SERPINB13: variants seen among roughly 807,000 people sequenced by gnomAD.
The protein encoded by SERPINB13 is serpin family B member 13.
In SERPINB13, 26 loss-of-function variants were observed where a neutral mutation model predicts 31.2. That is an observed-to-expected ratio of 0.83 (90% CI 0.61 to 1.15). SERPINB13 has a LOEUF of 1.15. Ranked by LOEUF, SERPINB13 falls within the 50% of genes most tolerant of loss-of-function variation. SERPINB13 has a pLI of 0.00. For synonymous variants in SERPINB13, 191 were observed against 172.4 expected (o/e 1.11, Z -0.85); for missense variants, 510 against 469.4 (o/e 1.09, Z -0.80).
At position 63,597,532 on chromosome 18, in the gene SERPINB13, T is replaced by C. The variant is rs1188227734; in HGVS notation, c.*169T>C. 8.6e-6 allele frequency: 6 copies of C among 694,136 alleles called. No individual in the cohort carries two copies. Among genetic ancestry groups the C allele is most frequent in the Non-Finnish European group, 1.4e-5 (6 of 429,868 alleles). The allele number at this position is 694,136 out of a possible 1,614,324, so 43.0% of individuals were successfully genotyped here. ...CCAATAATGTGTGTGTTTATAACCATCCTCGAAAGTGAAATGTCCTTTTCT... is the reference window on the plus strand; with the variant it reads ...CCAATAATGTGTGTGTTTATAACCACCCTCGAAAGTGAAATGTCCTTTTCT... On this transcript the variant is annotated 3_prime_UTR_variant, in exon 8 of 8. Transcript: ENST00000344731.
intron 1 of SERPINB13, 139 bp downstream of exon 1, chr18:63,587,589 C>T (rs1911587649): frequency 2.6e-6 from 1 of 378,456 alleles, no homozygotes; most frequent in Non-Finnish European, 5.4e-6. Flanking sequence ...ATGGCCATGA[C>T]AATGTATCTT....
intron 2 of SERPINB13, among the ~76,000 whole-genome samples, chr18:63,589,446 C>T (rs867443790): frequency 1.6e-5 from 2 of 124,064 alleles, no homozygotes; most frequent in African/African-American, 6.3e-5. Context: ...AAGAGCAAAA[C>T]TCCATCACAC....
chr18:63,588,247 C>G (rs1307203797), intron 1 of SERPINB13, among the ~76,000 whole-genome samples: 2 of 152,204 alleles, frequency 1.3e-5, no homozygotes, highest in East Asian at 1.9e-4. Flanking sequence ...GCCTACCCCC[C>G]TGCCTTATCA....
At position 63,598,398 on chromosome 18, in the gene SERPINB13, T is replaced by C. The variant is rs376511597; in HGVS notation, c.*1035T>C. 3 of 152,312 alleles carry C rather than the reference T, an allele frequency of 2.0e-5. No homozygotes were observed. The South Asian group carries it at 6.2e-4, about 32-fold the overall frequency. The allele number at this position is 152,312 out of a possible 1,614,324, so 9.4% of individuals were successfully genotyped here. On this transcript the variant is annotated 3_prime_UTR_variant, in exon 8 of 8. Transcript: ENST00000344731. ...ACAATCCAGTTTTAGAATATTTCCA[T>C]GACCCTAAGAAGTTTCCTCATGTCT...
chr18:63,588,288 C>T (rs1911627510), intron 1 of SERPINB13, among the ~76,000 whole-genome samples: 1 of 152,170 alleles, frequency 6.6e-6, no homozygotes, highest in Non-Finnish European at 1.5e-5. Context: ...ACTGGTGTCG[C>T]CTGGACAAGG....
intron 3 of SERPINB13, 33 bp downstream of exon 3, chr18:63,589,748 G>C (rs1364231282): frequency 6.2e-7 from 1 of 1,613,832 alleles, no homozygotes; most frequent in Admixed American, 1.7e-5. Context: ...AAGAGGTGGG[G>C]AGATGTGTTT....
In SERPINB13 at chr18:63,588,884, CG is replaced by C. The variant is rs370398138; in HGVS notation, c.165+59del. On this transcript the variant is annotated intron_variant, in intron 2 of 7. Transcript: ENST00000344731. ...GTTTCCTATGCACAAATTCATTTGG[CG>C]GGGGGGTTGTCAGCCCTCTTGCATT... is the stretch of plus-strand genomic sequence containing the variant. The C allele has an allele frequency of 8.2e-4, 166 of 202,546 alleles. No homozygotes were observed. In the Middle Eastern group the frequency reaches 9.2e-3, roughly 11 times the overall value. The allele number at this position is 202,546 out of a possible 1,614,324, so 12.5% of individuals were successfully genotyped here. A position where few individuals can be genotyped will look rare whatever the true frequency, so the allele number is the denominator to read the frequency against.
rs73961767 is a variant in SERPINB13, at chr18:63,592,982, G to A, written c.472+11G>A. 12,005 of 1,503,720 alleles carry A rather than the reference G, an allele frequency of 8.0e-3. 779 individuals are homozygous for A. The African/African-American group carries it at 0.14, about 18-fold the overall frequency. 93.1% of individuals were successfully genotyped at this position (1,503,720 alleles called of 1,614,324 possible). ...AAAGCAAAACAAATGGTAGAGTATG[G>A]GTGGGTCATTCATTGCAAAAAAACA... On this transcript the variant is annotated intron_variant, in intron 5 of 7. Coordinates refer to ENST00000344731, the MANE Select transcript of SERPINB13 (RefSeq NM_012397.4).
In SERPINB13 at chr18:63,589,728, G is replaced by C; in HGVS notation, c.225+13G>C. On this transcript the variant is annotated intron_variant, in intron 3 of 7. Transcript: ENST00000344731. ...AGAAAAAGAGGTGGTAAGAATAAAG[G>C]CTGAAGGAAAAGAGGTGGGGAGATG... The C allele has an allele frequency of 6.2e-7, 1 of 1,613,752 alleles. No homozygotes were observed. The highest frequency in any genetic ancestry group is 1.3e-5 in the African/African-American group (1 of 75,022).
intron 2 of SERPINB13, among the ~76,000 whole-genome samples, chr18:63,589,359 G>A (rs1911707717): frequency 6.6e-6 from 1 of 152,060 alleles, no homozygotes; most frequent in African/African-American, 2.4e-5. Context: ...GGAAGGCTGA[G>A]GCAGAAGAAT....
rs75907088 is a variant in SERPINB13 at position 63,596,427 on chromosome 18, A to G, written c.772-532A>G. 2.7e-3 allele frequency among the ~76,000 whole-genome samples: 415 copies of G among 152,340 alleles called. 1 individual carries two copies. The highest frequency in any genetic ancestry group is 9.3e-3 in the African/African-American group (385 of 41,570). On this transcript the variant is annotated intron_variant, in intron 7 of 7. Transcript: ENST00000344731. ...AATGCCCAGTTTGAAATTCATCGTAATTATTATTTTGTATCCTTAGTAACT... is the reference window on the plus strand; with the variant it reads ...AATGCCCAGTTTGAAATTCATCGTAGTTATTATTTTGTATCCTTAGTAACT...
At chr18:63,594,835 C>T (rs1334339577) in intron 6 of SERPINB13, among the ~76,000 whole-genome samples, 194 bp from the exon 7 acceptor site, 1 of 151,910 alleles carries the variant, frequency 6.6e-6, no homozygotes, top group African/African-American at 2.4e-5. Flanking sequence ...GAGACTCCAT[C>T]CCCCACCCCC....
chr18:63,593,105 G>A, intron 5 of SERPINB13, 134 bp downstream of exon 5: 2 of 618,416 alleles, frequency 3.2e-6, no homozygotes, highest in Non-Finnish European at 2.8e-6. Flanking sequence ...CAGTGCACAA[G>A]CTTTGGGAAG....
In SERPINB13 at chr18:63,595,094, C is replaced by T. The variant is rs531363371; in HGVS notation, c.681C>T (p.Asp227=). 1.2e-6 allele frequency: 2 copies of T among 1,614,096 alleles called. No homozygotes were observed. Among genetic ancestry groups the T allele is most frequent in the African/African-American group, 1.3e-5 (1 of 75,044 alleles). Residue 227 remains aspartate (D), a synonymous_variant, in exon 7 of 8, where the codon GAC becomes GAT. Coordinates refer to ENST00000344731, the MANE Select transcript of SERPINB13 (RefSeq NM_012397.4). Reference sequence around the variant, plus strand: ...CCTTTAGCTTCACTTTCCTGGAGGACTTGCAGGCCAAAATTCTAGGGATTC... The same window carrying T: ...CCTTTAGCTTCACTTTCCTGGAGGATTTGCAGGCCAAAATTCTAGGGATTC... ...SHSFSFTFLE[D]LQAKILGIPY...
chr18:63,594,519 C>T (rs532828904), intron 6 of SERPINB13, 22 bp downstream of exon 6: 16 of 1,610,940 alleles, frequency 9.9e-6, no homozygotes, highest in Admixed American at 8.4e-5. Context: ...AGTTTATTTT[C>T]GTGATGTGCT....
rs1453890849 is a variant in SERPINB13, at chr18:63,599,150, T to G, written c.*1787T>G. The G allele has an allele frequency of 9.2e-5, 14 of 152,174 alleles. No individual in the cohort carries two copies. Among genetic ancestry groups the G allele is most frequent in the Non-Finnish European group, 2.1e-4 (14 of 68,012 alleles). 9.4% of individuals were successfully genotyped at this position (152,174 alleles called of 1,614,324 possible). A position where few individuals can be genotyped will look rare whatever the true frequency, so the allele number is the denominator to read the frequency against. ...AAATGAGTTCTTAATAATCTCTGGC[T>G]TACAAGTCCTTAATTTATCAAATAT... is the stretch of plus-strand genomic sequence containing the variant. On this transcript the variant is annotated 3_prime_UTR_variant, in exon 8 of 8. Transcript: ENST00000344731.
intron 3 of SERPINB13, 160 bp downstream of exon 3, chr18:63,589,875 A>G (rs1351406112): frequency 1.4e-6 from 2 of 1,385,640 alleles, no homozygotes; most frequent in Non-Finnish European, 1.9e-6. Flanking sequence ...CCATAGACAA[A>G]TATTGTTGTA....
chr18:63,590,683 G>T (rs1235514238), intron 3 of SERPINB13, among the ~76,000 whole-genome samples: 1 of 152,208 alleles, frequency 6.6e-6, no homozygotes, highest in Non-Finnish European at 1.5e-5. Flanking sequence ...TTGGATAGCT[G>T]CCCTACTCCT....
chr18:63,598,020 T>C lies in SERPINB13; in HGVS notation c.*657T>C, dbSNP rs1912288439. ...AGATAAATGATGTAGTTGATCAGTA[T>C]TCCTCCTCTATCACCTTTTTAGACT... On this transcript the variant is annotated 3_prime_UTR_variant, in exon 8 of 8. Transcript: ENST00000344731. 1 of 152,208 alleles carries C rather than the reference T, an allele frequency of 6.6e-6. No homozygotes were observed. Among genetic ancestry groups the C allele is most frequent in the Admixed American group, 6.5e-5 (1 of 15,276 alleles). 9.4% of individuals were successfully genotyped at this position (152,208 alleles called of 1,614,324 possible).
Sources: gnomAD v4.1 joint callset for allele counts (sites outside exome capture counted in the v4.1 genomes callset) on GRCh38, gnomAD v4.1.1 for gene constraint, MANE v1.5 for transcripts, NCBI Gene and HGNC (gene_info 2026-07-23, HGNC 2026-07-21) for gene names.